The following SENP5 variants were observed in gnomAD, a reference collection of about 807,000 sequenced individuals.
The protein encoded by SENP5 is sentrin-specific protease 5.
SENP5 carries 21 observed loss-of-function variants against 74.2 expected under a neutral mutation model. That is an observed-to-expected ratio of 0.28 (90% confidence interval 0.20 to 0.41). The LOEUF (loss-of-function observed/expected upper bound fraction) is 0.41. SENP5 is among the 10% of genes least tolerant of loss of function. The pLI is 1.00. For synonymous variants in SENP5, 311 were observed against 312.7 expected (o/e 0.99, Z 0.06); for missense variants, 717 against 889.1 (o/e 0.81, Z 2.46).
chr3:196,875,523 C>T (rs1012080639), intron 1 of SENP5, among the ~76,000 whole-genome samples: 1 of 152,164 alleles, frequency 6.6e-6, no homozygotes, highest in African/African-American at 2.4e-5. Context: ...TCATCTACCC[C>T]TTCCGTGCCT....
Position 196,886,067 on chromosome 3 carries a change from C to T in SENP5, c.886C>T (p.Pro296Ser). 1.2e-6 allele frequency: 2 copies of T among 1,614,180 alleles called. No individual in the cohort carries two copies. The highest frequency in any genetic ancestry group is 1.7e-6 in the Non-Finnish European group (2 of 1,180,030). Residue 296 changes from proline (P) to serine (S), a missense_variant, in exon 2 of 10, where the codon CCT becomes TCT. By Grantham distance (74) the Pro-to-Ser change is moderately conservative. This residue lies in a region of SENP5 where 567 missense variants were observed against 577.4 expected (regional missense o/e 0.98). Transcript: ENST00000323460. Reference sequence around the variant, plus strand: ...TTGCAGCCCATTTCCTTCCCCAGAACCTAAAGACCCTTCTTGTCGGCATCA... The same window carrying T: ...TTGCAGCCCATTTCCTTCCCCAGAATCTAAAGACCCTTCTTGTCGGCATCA... ...GSCSPFPSPE[P>S]KDPSCRHQPY...
At position 196,931,991 on chromosome 3, in the gene SENP5, C is replaced by T; in HGVS notation, c.*1068C>T. 1 of 442,270 alleles carries T rather than the reference C, an allele frequency of 2.3e-6. No homozygotes were observed. Among genetic ancestry groups the T allele is most frequent in the South Asian group, 1.6e-5 (1 of 62,146 alleles). The allele number at this position is 442,270 out of a possible 1,614,324, so 27.4% of individuals were successfully genotyped here. On this transcript the variant is annotated 3_prime_UTR_variant, in exon 10 of 10. Transcript: ENST00000323460. ...GCAGCAACCGTGTCAGGTTCTTTCT[C>T]CTGTCCCATTAGTGACCTCAGTAAC...
chr3:196,868,198 C>G (rs1176362881), intron 1 of SENP5, 125 bp downstream of exon 1: 1 of 152,284 alleles, frequency 6.6e-6, no homozygotes, highest in East Asian at 1.9e-4. Context: ...CGCCCTCCCC[C>G]GCCCGAGCTG....
chr3:196,894,588 G>A (rs1187272267), intron 2 of SENP5, among the ~76,000 whole-genome samples: 4 of 150,750 alleles, frequency 2.7e-5, no homozygotes, highest in Non-Finnish European at 4.4e-5. Context: ...GAAATTAGTT[G>A]GTAGTTCTAA....
At chr3:196,906,148 A>AG (rs948076448) in intron 6 of SENP5, among the ~76,000 whole-genome samples, 26 of 152,224 alleles carry the variant, frequency 1.7e-4, no homozygotes, top group African/African-American at 6.3e-4. Context: ...TGAACCCAGG[A>AG]GGTGGAGGTT....
intron 1 of SENP5, among the ~76,000 whole-genome samples, chr3:196,882,546 C>T (rs1713771183): frequency 6.6e-6 from 1 of 152,086 alleles, no homozygotes; most frequent in South Asian, 2.1e-4. Context: ...CTCTGTCGCC[C>T]AGGCTAGACT....
At chr3:196,916,527 CTTTTTTTT>C (rs36159681) in intron 6 of SENP5, among the ~76,000 whole-genome samples, 1 of 143,304 alleles carries the variant, frequency 7.0e-6, no homozygotes, top group Admixed American at 7.0e-5. Flanking sequence ...AAGAGATTGA[CTTTTTTTT>C]TTTTTTTTAA....
intron 9 of SENP5, among the ~76,000 whole-genome samples, chr3:196,930,153 G>T (rs1392953550): frequency 6.6e-6 from 1 of 151,604 alleles, no homozygotes. Context: ...TATTTATGTT[G>T]GAAATTACAG....
At chr3:196,879,290 T>C (rs947325476) in intron 1 of SENP5, among the ~76,000 whole-genome samples, 2 of 152,242 alleles carry the variant, frequency 1.3e-5, no homozygotes, top group Admixed American at 6.5e-5. Flanking sequence ...ATGTAAATGG[T>C]AGTCATAGTT....
At chr3:196,928,684 A>T (rs1333351810) in intron 8 of SENP5, among the ~76,000 whole-genome samples, 3 of 152,160 alleles carry the variant, frequency 2.0e-5, no homozygotes, top group Admixed American at 2.0e-4. Context: ...ACCCAAAGAG[A>T]CAAGATTTAT....
In SENP5 at chr3:196,932,533, C is replaced by G. The variant is rs911849618; in HGVS notation, c.*1610C>G. ...AGACCCAAAATCCTTAATGTCAAACCAGGTCAGTGTTTCTTACTGTGTTTC... is the reference window on the plus strand; with the variant it reads ...AGACCCAAAATCCTTAATGTCAAACGAGGTCAGTGTTTCTTACTGTGTTTC... On this transcript the variant is annotated 3_prime_UTR_variant, in exon 10 of 10. Transcript: ENST00000323460. 6.6e-6 allele frequency: 1 copy of G among 152,024 alleles called. No individual in the cohort carries two copies. Among genetic ancestry groups the G allele is most frequent in the African/African-American group, 2.4e-5 (1 of 41,382 alleles). The allele number at this position is 152,024 out of a possible 1,614,324, so 9.4% of individuals were successfully genotyped here. A position where few individuals can be genotyped will look rare whatever the true frequency, so the allele number is the denominator to read the frequency against.
At position 196,934,622 on chromosome 3, in the gene SENP5, AATTT is replaced by A. The variant is rs1195271340; in HGVS notation, c.*3705_*3708del. On this transcript the variant is annotated 3_prime_UTR_variant, in exon 10 of 10. Transcript: ENST00000323460. The stretch of plus-strand genomic sequence containing the variant: ...ACTGGTACCTGTTGGTCAGAAAAAG[AATTT>A]ATTTAGAGATTATGATCATGTAAAA... 6.6e-6 allele frequency: 1 copy of A among 152,228 alleles called. No individual in the cohort carries two copies. Among genetic ancestry groups the A allele is most frequent in the African/African-American group, 2.4e-5 (1 of 41,460 alleles). 9.4% of individuals were successfully genotyped at this position (152,228 alleles called of 1,614,324 possible).
intron 6 of SENP5, among the ~76,000 whole-genome samples, chr3:196,905,498 G>C (rs1290486383): frequency 6.6e-6 from 1 of 152,188 alleles, no homozygotes; most frequent in Non-Finnish European, 1.5e-5. Flanking sequence ...TCAAGTGAGG[G>C]TTCCCATGCC....
chr3:196,932,024 G>A lies in SENP5; in HGVS notation c.*1101G>A. ...ATTAGTGACCTCAGTAACATGCAGG[G>A]TACGTCTGGCTTCTGCATGGCCAGT... On this transcript the variant is annotated 3_prime_UTR_variant, in exon 10 of 10. Coordinates refer to ENST00000323460, the MANE Select transcript of SENP5 (RefSeq NM_152699.5). 1 of 387,754 alleles carries A rather than the reference G, an allele frequency of 2.6e-6. No homozygotes were observed. Among genetic ancestry groups the A allele is most frequent in the Non-Finnish European group, 5.1e-6 (1 of 196,232 alleles). 24.0% of individuals were successfully genotyped at this position (387,754 alleles called of 1,614,324 possible). A position where few individuals can be genotyped will look rare whatever the true frequency, so the allele number is the denominator to read the frequency against.
At chr3:196,884,156 C>A (rs1031217148) in intron 1 of SENP5, among the ~76,000 whole-genome samples, 1 of 152,174 alleles carries the variant, frequency 6.6e-6, no homozygotes, top group African/African-American at 2.4e-5. Flanking sequence ...TATAGTCATG[C>A]ACCAGTAGAT....
chr3:196,924,422 A>G (rs1029653235), intron 7 of SENP5, among the ~76,000 whole-genome samples: 3 of 152,354 alleles, frequency 2.0e-5, no homozygotes, highest in Admixed American at 1.3e-4. Flanking sequence ...ATAGAAATGG[A>G]CAAAGGCTAA....
Position 196,886,086 on chromosome 3 carries a change from G to A in SENP5, c.905G>A (p.Arg302Gln), listed in dbSNP as rs775106645. Residue 302 changes from arginine (R) to glutamine (Q), a missense_variant, in exon 2 of 10, where the codon CGG (arginine) becomes CAG (glutamine). By Grantham distance (43) the Arg-to-Gln change is conservative. Around this residue, in one of 4 missense-constraint regions of SENP5, gnomAD observed 567 missense variants for 577.4 expected, o/e 0.98. Transcript: ENST00000323460. ...CCAGAACCTAAAGACCCTTCTTGTC[G>A]GCATCAGCCGTACTTTCCAGATATG... Reference protein sequence around the residue: ...PSPEPKDPSCRHQPYFPDMDS... With the variant: ...PSPEPKDPSCQHQPYFPDMDS... 22 of 1,614,086 alleles carry A rather than the reference G, an allele frequency of 1.4e-5. No individual in the cohort carries two copies. Among genetic ancestry groups the A allele is most frequent in the South Asian group, 3.3e-5 (3 of 91,092 alleles).
In SENP5 at chr3:196,931,587, C is replaced by T. The variant is rs1716040486; in HGVS notation, c.*664C>T. 1 of 255,908 alleles carries T rather than the reference C, an allele frequency of 3.9e-6. No individual in the cohort carries two copies. Among genetic ancestry groups the T allele is most frequent in the African/African-American group, 2.4e-5 (1 of 42,478 alleles). 15.9% of individuals were successfully genotyped at this position (255,908 alleles called of 1,614,324 possible). On this transcript the variant is annotated 3_prime_UTR_variant, in exon 10 of 10. Coordinates refer to ENST00000323460, the MANE Select transcript of SENP5 (RefSeq NM_152699.5). Reference sequence around the variant, plus strand: ...AGGAGTAAGGTGTGAGAAAAAGCAACCTTGGAGGCCAGTAACAATGACAGA... The same window carrying T: ...AGGAGTAAGGTGTGAGAAAAAGCAATCTTGGAGGCCAGTAACAATGACAGA...
rs556759196 is a variant in SENP5 at position 196,905,446 on chromosome 3, C to T, written c.1884+1836C>T. Among the ~76,000 whole-genome samples, 700 of 152,288 alleles carry T rather than the reference C, an allele frequency of 4.6e-3. 5 individuals are homozygous for T. Among genetic ancestry groups the T allele is most frequent in the Non-Finnish European group, 8.5e-3 (576 of 68,028 alleles). On this transcript the variant is annotated intron_variant, in intron 6 of 9. Transcript: ENST00000323460. ...AGTGCCCCCCACCCACTTCAGACAC[C>T]AGTTGCAAGTCCAGGCTTCTGAAAC... is the stretch of plus-strand genomic sequence containing the variant.
Sources: gnomAD v4.1 joint callset for allele counts (sites outside exome capture counted in the v4.1 genomes callset) on GRCh38, gnomAD v4.1.1 for gene constraint, gnomAD v4.1.1 regional missense constraint, MANE v1.5 for transcripts, NCBI Gene and HGNC (gene_info 2026-07-23, HGNC 2026-07-21) for gene names.